The following SCN9A variants were observed in gnomAD, a reference collection of about 807,000 sequenced individuals.
SCN9A encodes sodium voltage-gated channel alpha subunit 9, also known as sodium channel protein type 9 subunit alpha.
Under a neutral mutation model 187.0 loss-of-function variants are expected in SCN9A, and 131 were observed. The observed-to-expected ratio is 0.70, with a 90% CI of 0.61 to 0.81. The LOEUF (loss-of-function observed/expected upper bound fraction) is 0.81, where lower values mean the gene tolerates loss of function less well. Ranked by LOEUF, SCN9A falls within the 30% of genes least tolerant of loss-of-function variation. The pLI is 0.00. For synonymous variants in SCN9A, 809 were observed against 808.6 expected, an observed-to-expected ratio of 1.00 and a Z score of -0.01; for missense variants, 2,252 against 2,396.6, an observed-to-expected ratio of 0.94 and a Z score of 1.26.
intron 17 of SCN9A, among the ~76,000 whole-genome samples, chr2:166,256,728 G>A (rs565170685): frequency 2.6e-5 from 4 of 151,206 alleles, no homozygotes; most frequent in Non-Finnish European, 4.4e-5. Flanking sequence ...CTTATTCAGC[G>A]TGAAACACAC....
intron 1 of SCN9A, among the ~76,000 whole-genome samples, chr2:166,353,019 T>A (rs567043047): frequency 2.9e-4 from 44 of 151,514 alleles, no homozygotes; most frequent in Admixed American, 3.9e-4. Context: ...GTTTTTTTTT[T>A]AATTTCTTTC....
intron 18 of SCN9A, among the ~76,000 whole-genome samples, chr2:166,245,998 C>G (rs896868627): frequency 5.3e-5 from 8 of 151,898 alleles, no homozygotes; most frequent in African/African-American, 1.7e-4. Context: ...ATTTCCAGCT[C>G]TATAGAAATA....
At chr2:166,289,245 G>A (rs1048278367) in intron 9 of SCN9A, among the ~76,000 whole-genome samples, 1 of 150,010 alleles carries the variant, frequency 6.7e-6, no homozygotes, top group African/African-American at 2.5e-5. Context: ...GTGCAGGTTT[G>A]TTACATGGGT....
chr2:166,363,444 C>CT (rs1700337274), intron 1 of SCN9A, among the ~76,000 whole-genome samples: 1 of 151,958 alleles, frequency 6.6e-6, no homozygotes, highest in Non-Finnish European at 1.5e-5. Flanking sequence ...CATTAACTAG[C>CT]TAGGCAAGGA....
chr2:166,353,209 G>C (rs1482082358), intron 1 of SCN9A, among the ~76,000 whole-genome samples: 1 of 143,510 alleles, frequency 7.0e-6, no homozygotes, highest in Non-Finnish European at 1.5e-5. Context: ...CAAAAATAGT[G>C]AGTCCCTGTT....
chr2:166,304,204 A>T, intron 6 of SCN9A, 34 bp downstream of exon 6: 1 of 1,610,012 alleles, frequency 6.2e-7, no homozygotes, highest in Non-Finnish European at 8.5e-7. Context: ...TGGAGTTATG[A>T]GTGGCCTAAT....
At chr2:166,243,514 G>A (rs1411014928) in intron 18 of SCN9A, among the ~76,000 whole-genome samples, 5 of 152,034 alleles carry the variant, frequency 3.3e-5, no homozygotes, top group African/African-American at 4.8e-5. Context: ...GAGAAAGAGA[G>A]ATCAGTAGAG....
At chr2:166,200,137 A>G (rs1219852232) in intron 26 of SCN9A, among the ~76,000 whole-genome samples, 1 of 147,628 alleles carries the variant, frequency 6.8e-6, no homozygotes, top group Admixed American at 6.8e-5. Context: ...AGCTGGGACT[A>G]CAGGCGCCCG....
intron 4 of SCN9A, among the ~76,000 whole-genome samples, chr2:166,306,244 C>G (rs976851345): frequency 6.6e-6 from 1 of 152,098 alleles, no homozygotes; most frequent in African/African-American, 2.4e-5. Context: ...AAAACATACA[C>G]CCAAGAATAA....
chr2:166,259,000 G>A (rs1316248238), intron 17 of SCN9A, among the ~76,000 whole-genome samples: 1 of 151,584 alleles, frequency 6.6e-6, no homozygotes, highest in Non-Finnish European at 1.5e-5. Context: ...AATCACTTAA[G>A]CACATGAAGG....
chr2:166,347,935 T>C (rs1699941850), intron 1 of SCN9A, among the ~76,000 whole-genome samples: 4 of 152,118 alleles, frequency 2.6e-5, no homozygotes, highest in African/African-American at 9.7e-5. Context: ...GAGTGCCAGA[T>C]AAAATACATG....
rs1306854449 is a variant in SCN9A at position 166,340,563 on chromosome 2, TTTCTTTC to T, written c.-50-28764_-50-28758del. On this transcript the variant is annotated intron_variant, in intron 1 of 26. Transcript: ENST00000642356. ...TTCCCTTTCTTTCTTTCTTTCTTTC[TTTCTTTC>T]TTTCTTTCTTTCTTTCTTTCTTTCT... 7.4e-5 allele frequency among the ~76,000 whole-genome samples: 6 copies of T among 80,664 alleles called. 1 individual carries two copies. The highest frequency in any genetic ancestry group is 1.4e-4 in the Non-Finnish European group (6 of 43,862). The allele number at this position is 80,664 out of a possible 152,430, so 52.9% of individuals were successfully genotyped here. A position where few individuals can be genotyped will look rare whatever the true frequency, so the allele number is the denominator to read the frequency against.
rs1409339552 is a variant in SCN9A at position 166,311,540 on chromosome 2, C to T, written c.217G>A (p.Glu73Lys). Residue 73 changes from glutamate (E) to lysine (K), a missense_variant, in exon 2 of 27, where the codon GAG (glutamate) becomes AAG (lysine). Physicochemically the swap from Glu to Lys is moderately conservative, Grantham distance 56. Coordinates refer to ENST00000642356, the MANE Select transcript of SCN9A (RefSeq NM_001365536.1). ...TAGGGGTCCAAGTCCTCCAGGGGCTCTGACACCATGCCGGGAGGAATGTCC... is the reference window on the plus strand; with the variant it reads ...TAGGGGTCCAAGTCCTCCAGGGGCTTTGACACCATGCCGGGAGGAATGTCC... ...YGDIPPGMVS[E>K]PLEDLDPYYA... is the part of the protein sequence containing the mutation. The T allele has an allele frequency of 5.0e-6, 8 of 1,612,442 alleles. No individual in the cohort carries two copies. Among genetic ancestry groups the T allele is most frequent in the South Asian group, 3.3e-5 (3 of 90,904 alleles).
At chr2:166,319,337 A>G (rs1385310874) in intron 1 of SCN9A, among the ~76,000 whole-genome samples, 1 of 141,518 alleles carries the variant, frequency 7.1e-6, no homozygotes, top group African/African-American at 2.5e-5. Context: ...GTTACTTTGG[A>G]TTAAGGTAGA....
Position 166,284,437 on chromosome 2 carries a change from TGTAAAAC to T in SCN9A, c.1974+9_1974+15del, listed in dbSNP as rs771477692. 468 of 1,592,632 alleles carry T rather than the reference TGTAAAAC, an allele frequency of 2.9e-4. 2 individuals are homozygous for T. In the Middle Eastern group the frequency reaches 4.8e-3, roughly 16 times the overall value. ...CAAGGGCCCAGCCATGCCTGAGCTA[TGTAAAAC>T]GTCCTTACGCTGTCATCAGAAGTTG... On this transcript the variant is annotated intron_variant, in intron 12 of 26. Transcript: ENST00000642356.
rs1417844414 is a variant in SCN9A at position 166,197,268 on chromosome 2, A to G, written c.*1404T>C. On this transcript the variant is annotated 3_prime_UTR_variant, in exon 27 of 27. Transcript: ENST00000642356. ...AAGCATTATGGTTATTTCTTTTCAA[A>G]TTACTATTAATAGGTGTTTTCAAAA... 1 of 152,110 alleles carries G rather than the reference A, an allele frequency of 6.6e-6. No homozygotes were observed. The highest frequency in any genetic ancestry group is 1.5e-5 in the Non-Finnish European group (1 of 67,982). The allele number at this position is 152,110 out of a possible 1,614,324, so 9.4% of individuals were successfully genotyped here.
At chr2:166,341,974 GAAT>G (rs1293438024) in intron 1 of SCN9A, among the ~76,000 whole-genome samples, 6 of 152,138 alleles carry the variant, frequency 3.9e-5, no homozygotes, top group Admixed American at 6.6e-5. Context: ...CATACTTGCA[GAAT>G]AATGTCAATA....
At position 166,196,332 on chromosome 2, in the gene SCN9A, A is replaced by C. The variant is rs1295400797; in HGVS notation, c.*2340T>G. ...GTAGACATTCCTGAAACAAACGTAAATATATATAAAACTTAACCATGTTAT... is the reference window on the plus strand; with the variant it reads ...GTAGACATTCCTGAAACAAACGTAACTATATATAAAACTTAACCATGTTAT... On this transcript the variant is annotated 3_prime_UTR_variant, in exon 27 of 27. Transcript: ENST00000642356. 6.6e-6 allele frequency: 1 copy of C among 152,110 alleles called. No homozygotes were observed. The highest frequency in any genetic ancestry group is 1.5e-5 in the Non-Finnish European group (1 of 68,020). The allele number at this position is 152,110 out of a possible 1,614,324, so 9.4% of individuals were successfully genotyped here.
chr2:166,297,065 C>T (rs981085655), intron 7 of SCN9A, among the ~76,000 whole-genome samples: 2 of 151,218 alleles, frequency 1.3e-5, no homozygotes, highest in South Asian at 2.1e-4. Context: ...GGCGTGGTGG[C>T]GGGCACCTGT....
Sources: allele counts gnomAD v4.1 joint callset (sites outside exome capture counted in the v4.1 genomes callset), GRCh38; gene constraint gnomAD v4.1.1; transcripts MANE v1.5; gene names NCBI Gene and HGNC (gene_info 2026-07-23, HGNC 2026-07-21).